The following ACTR3B variants were observed in gnomAD, a reference collection of about 807,000 sequenced individuals.
ACTR3B encodes the protein actin-related protein 3B.
In ACTR3B, 8 loss-of-function variants were observed where a neutral mutation model predicts 59.0. The ratio of observed to expected loss-of-function variants is 0.14; its 90% CI spans 0.08 to 0.24. The LOEUF is 0.24. Among genes scored for constraint, ACTR3B ranks in the 10% least tolerant of loss-of-function variants. The pLI is 1.00. For synonymous variants in ACTR3B, 148 were observed against 197.9 expected (o/e 0.75, Z 2.12); for missense variants, 245 against 552.3 (o/e 0.44, Z 5.58).
chr7:152,804,734 C>T (rs544121357), intron 4 of ACTR3B, among the ~76,000 whole-genome samples: 7 of 152,212 alleles, frequency 4.6e-5, no homozygotes, highest in Non-Finnish European at 8.8e-5. Flanking sequence ...TGGATTTTCC[C>T]TCAGCGTGGA....
At chr7:152,832,095 T>C (rs1382799022) in intron 9 of ACTR3B, among the ~76,000 whole-genome samples, 1 of 151,970 alleles carries the variant, frequency 6.6e-6, no homozygotes, top group African/African-American at 2.4e-5. Flanking sequence ...TATTGGGAAA[T>C]GGCTGTAGGT....
chr7:152,760,707 TC>T (rs1197951394), intron 1 of ACTR3B, among the ~76,000 whole-genome samples: 1 of 152,212 alleles, frequency 6.6e-6, no homozygotes, highest in African/African-American at 2.4e-5. Context: ...TGTGACCACT[TC>T]TTTCGTTGCC....
intron 1 of ACTR3B, among the ~76,000 whole-genome samples, chr7:152,774,513 G>C: frequency 6.6e-6 from 1 of 152,100 alleles, no homozygotes; most frequent in East Asian, 1.9e-4. Flanking sequence ...CTTTGGGAAA[G>C]AGTGAAATTA....
chr7:152,790,269 AG>A (rs1166992213), intron 2 of ACTR3B, among the ~76,000 whole-genome samples: 1 of 152,266 alleles, frequency 6.6e-6, no homozygotes, highest in Non-Finnish European at 1.5e-5. Context: ...TTGAAATTAT[AG>A]GTGTGAGCCA....
intron 1 of ACTR3B, among the ~76,000 whole-genome samples, chr7:152,762,906 C>T (rs2098094406): frequency 6.6e-6 from 1 of 152,180 alleles, no homozygotes; most frequent in East Asian, 1.9e-4. Context: ...TGCATCCCAT[C>T]GAAAGGCTTA....
chr7:152,769,001 C>T lies in ACTR3B; in HGVS notation c.44+9075C>T, dbSNP rs1289266388. Among the ~76,000 whole-genome samples, 17 of 151,672 alleles carry T rather than the reference C, an allele frequency of 1.1e-4. No individual in the cohort carries two copies. In the East Asian group the frequency reaches 1.2e-3, roughly 10 times the overall value. ...CCGAGGAGCTGGGATTATAGGCACC[C>T]GCCACCATGCCTGGCTAATTTTTGT... is the stretch of plus-strand genomic sequence containing the variant. On this transcript the variant is annotated intron_variant, in intron 1 of 11. Coordinates refer to ENST00000256001, the MANE Select transcript of ACTR3B (RefSeq NM_020445.6).
Position 152,795,036 on chromosome 7 carries a change from C to CTCT in ACTR3B, c.101-5494_101-5493insCTT, listed in dbSNP as rs1239596136. On this transcript the variant is annotated intron_variant, in intron 2 of 11. Transcript: ENST00000256001. Reference sequence around the variant, plus strand: ...GAGAAAAAGGCTTCAGTTTCACTCTCTTTTTTTTTTTTTTTTGAGATGGAG... The same window carrying CTCT: ...GAGAAAAAGGCTTCAGTTTCACTCTCTCTTTTTTTTTTTTTTTTTGAGATGGAG... Among the ~76,000 whole-genome samples the CTCT allele has an allele frequency of 4.7e-3, 644 of 137,740 alleles. 10 individuals are homozygous for CTCT. The highest frequency in any genetic ancestry group is 0.013 in the African/African-American group (476 of 37,946). 90.4% of individuals were successfully genotyped at this position (137,740 alleles called of 152,430 possible).
At chr7:152,828,783 T>C (rs1796786819) in intron 9 of ACTR3B, among the ~76,000 whole-genome samples, 1 of 151,878 alleles carries the variant, frequency 6.6e-6, no homozygotes, top group Non-Finnish European at 1.5e-5. Context: ...CTCGGCTACC[T>C]GTGTGCTTTC....
chr7:152,797,257 C>T (rs2098220622), intron 2 of ACTR3B, among the ~76,000 whole-genome samples: 1 of 151,718 alleles, frequency 6.6e-6, no homozygotes, highest in Non-Finnish European at 1.5e-5. Context: ...AATTTTTTAG[C>T]TTTTTTAGAG....
Position 152,834,088 on chromosome 7 carries a change from A to T in ACTR3B, c.951+8966A>T, listed in dbSNP as rs1797244443. On this transcript the variant is annotated intron_variant, in intron 9 of 11. Coordinates refer to ENST00000256001, the MANE Select transcript of ACTR3B (RefSeq NM_020445.6). ...ATTCATGTTCAATTTAGAAAATTTG[A>T]GATTTTCTAAATTGTAAAAAAACAC... Among the ~76,000 whole-genome samples, 4 of 149,956 alleles carry T rather than the reference A, an allele frequency of 2.7e-5. 1 individual carries two copies. In the South Asian group the frequency reaches 8.8e-4, roughly 33 times the overall value.
Position 152,854,458 on chromosome 7 carries a change from C to T in ACTR3B, c.1162C>T (p.Pro388Ser), listed in dbSNP as rs1309528787. The change falls in exon 12 of 12, where the codon CCC becomes TCC. Residue 388 changes from proline to serine, a missense_variant and splice_region_variant. By Grantham distance (74) the Pro-to-Ser change is moderately conservative. Coordinates refer to ENST00000256001, the MANE Select transcript of ACTR3B (RefSeq NM_020445.6). The surrounding 1 kb of genome is among the most constrained non-coding windows in gnomAD (Gnocchi z 4.9). ...TCTGTCTGCCTGTTGCCTCTCGTAGCCCGAGTTCTTTCAGGTCTGCCACAC... is the reference window on the plus strand; with the variant it reads ...TCTGTCTGCCTGTTGCCTCTCGTAGTCCGAGTTCTTTCAGGTCTGCCACAC... Reference protein sequence around the residue: ...WFGGSMLASTPEFFQVCHTKK... With the variant: ...WFGGSMLASTSEFFQVCHTKK... 1 of 1,613,964 alleles carries T rather than the reference C, an allele frequency of 6.2e-7. No individual in the cohort carries two copies. Among genetic ancestry groups the T allele is most frequent in the Admixed American group, 1.7e-5 (1 of 60,002 alleles).
At chr7:152,811,230 CTGA>C (rs1490648298) in intron 4 of ACTR3B, 1 of 147,950 alleles carries the variant, frequency 6.8e-6, no homozygotes, top group Non-Finnish European at 1.5e-5. Flanking sequence ...TTTGTATTTG[CTGA>C]TAATTTTAGT....
chr7:152,847,786 G>T (rs541001704), intron 9 of ACTR3B, among the ~76,000 whole-genome samples: 1 of 152,152 alleles, frequency 6.6e-6, no homozygotes, highest in Non-Finnish European at 1.5e-5. Flanking sequence ...AAGGCCAGTG[G>T]GTTTTCCGAA....
At chr7:152,795,031 ACT>A (rs61693626) in intron 2 of ACTR3B, among the ~76,000 whole-genome samples, 2 of 141,252 alleles carry the variant, frequency 1.4e-5, no homozygotes, top group African/African-American at 2.7e-5. Context: ...CTTCAGTTTC[ACT>A]CTCTTTTTTT....
chr7:152,829,520 A>G (rs1796855921), intron 9 of ACTR3B, among the ~76,000 whole-genome samples: 1 of 151,954 alleles, frequency 6.6e-6, no homozygotes, highest in Non-Finnish European at 1.5e-5. Flanking sequence ...GTATTTACAC[A>G]TCTGCTTTAT....
intron 1 of ACTR3B, among the ~76,000 whole-genome samples, chr7:152,769,163 G>C (rs1048484930): frequency 6.6e-6 from 1 of 151,926 alleles, no homozygotes; most frequent in African/African-American, 2.4e-5. Context: ...TCACATTTTT[G>C]TGTGTGTGTG....
At chr7:152,778,303 G>A (rs962681023) in intron 1 of ACTR3B, among the ~76,000 whole-genome samples, 5 of 146,616 alleles carry the variant, frequency 3.4e-5, no homozygotes, top group Admixed American at 1.4e-4. Flanking sequence ...TCACTCTGTT[G>A]CCCAGGTTGG....
At chr7:152,810,416 T>TG (rs747957271) in intron 4 of ACTR3B, among the ~76,000 whole-genome samples, 1,954 of 100,006 alleles carry the variant, frequency 0.02, 20 homozygotes, top group Non-Finnish European at 0.031. Context: ...CTGTTTTTTT[T>TG]TTTTTTTTTT....
chr7:152,820,633 G>T (rs1796072447), intron 7 of ACTR3B, among the ~76,000 whole-genome samples, 191 bp downstream of exon 7: 1 of 152,138 alleles, frequency 6.6e-6, no homozygotes, highest in Admixed American at 6.5e-5. Flanking sequence ...TAGATGCTTT[G>T]AGGTTTCAGC....
Sources: gnomAD v4.1 joint callset for allele counts (sites outside exome capture counted in the v4.1 genomes callset) on GRCh38, gnomAD v4.1.1 for gene constraint, Gnocchi (gnomAD v3.1) non-coding constraint, MANE v1.5 for transcripts, NCBI Gene and HGNC (gene_info 2026-07-23, HGNC 2026-07-21) for gene names.